Variants in SGSM1 observed in about 807,000 individuals in gnomAD.
SGSM1 encodes small G protein signaling modulator 1.
A neutral mutation model predicts 133.8 loss-of-function variants in SGSM1; 73 were observed. That is an observed-to-expected ratio of 0.55 (90% confidence interval 0.45 to 0.66). The LOEUF is 0.66. Among genes scored for constraint, SGSM1 ranks in the 30% least tolerant of loss-of-function variants. The probability of loss-of-function intolerance (pLI) is 0.00; values close to 1 mark genes in which losing one functional copy is unlikely to be tolerated. For missense variants in SGSM1, 1,213 were observed against 1,448.1 expected (o/e 0.84, Z 2.64); for synonymous variants, 563 against 573.0 (o/e 0.98, Z 0.25).
In SGSM1 at chr22:24,806,292, G is replaced by C; in HGVS notation, c.-34G>C. On this transcript the variant is annotated 5_prime_UTR_variant, in exon 1 of 25. Transcript: ENST00000400358. Reference sequence around the variant, plus strand: ...AGCTACCGCCGCCACCGCCGCCACCGCCTCCTGGGACTCGGAACGCAGCGC... The same window carrying C: ...AGCTACCGCCGCCACCGCCGCCACCCCCTCCTGGGACTCGGAACGCAGCGC... The C allele has an allele frequency of 7.1e-7, 1 of 1,417,718 alleles. No homozygotes were observed. The highest frequency in any genetic ancestry group is 9.2e-7 in the Non-Finnish European group (1 of 1,089,510). The allele number at this position is 1,417,718 out of a possible 1,614,324, so 87.8% of individuals were successfully genotyped here.
At position 24,898,501 on chromosome 22, in the gene SGSM1, C is replaced by T. The variant is rs1392448753; in HGVS notation, c.2552C>T (p.Ala851Val). 2 of 1,613,660 alleles carry T rather than the reference C, an allele frequency of 1.2e-6. No homozygotes were observed. Among genetic ancestry groups the T allele is most frequent in the African/African-American group, 1.3e-5 (1 of 74,926 alleles). The change falls in exon 19 of 25, where the codon GCT becomes GTT. Residue 851 changes from alanine (A) to valine (V), a missense_variant. Physicochemically the swap from Ala to Val is moderately conservative, Grantham distance 64. Coordinates refer to ENST00000400358, the MANE Select transcript of SGSM1 (RefSeq NM_001098497.3). ...ESLFPALASL[A>V]VTTSANEVSP... ...CTCTTCCCTGCCCTGGCTTCTCTGG[C>T]TGTGACTACTTCTGCCAACGAGGTG...
intron 20 of SGSM1, among the ~76,000 whole-genome samples, chr22:24,904,627 G>A (rs1040233096): frequency 4.0e-5 from 6 of 151,828 alleles, no homozygotes; most frequent in Non-Finnish European, 5.9e-5. Flanking sequence ...TACAGTAAGA[G>A]CTCGATAAAT....
chr22:24,903,975 C>CAA (rs1412090808), intron 20 of SGSM1, among the ~76,000 whole-genome samples: 16 of 90,176 alleles, frequency 1.8e-4, no homozygotes, highest in African/African-American at 6.2e-4. Flanking sequence ...TCTGTCTCAA[C>CAA]AAAAAGAAAA....
intron 2 of SGSM1, chr22:24,843,918 C>G (rs1298100230): frequency 6.6e-6 from 1 of 152,228 alleles, no homozygotes; most frequent in African/African-American, 2.4e-5. Flanking sequence ...TTTCATCTTG[C>G]TGAGCATCCA....
In SGSM1 at chr22:24,916,217, C is replaced by G. The variant is rs993618941; in HGVS notation, c.2929-1441C>G. 2.0e-5 allele frequency among the ~76,000 whole-genome samples: 3 copies of G among 152,298 alleles called. No individual in the cohort carries two copies. The East Asian group carries it at 5.8e-4, about 29-fold the overall frequency. On this transcript the variant is annotated intron_variant, in intron 22 of 24. Coordinates refer to ENST00000400358, the MANE Select transcript of SGSM1 (RefSeq NM_001098497.3). The stretch of plus-strand genomic sequence containing the variant: ...TTCACTAACAACCACTCCCCATCCC[C>G]TCCATCTCCCCAGCCCCTGAAAACC...
At chr22:24,811,303 C>T (rs1023411062) in intron 2 of SGSM1, among the ~76,000 whole-genome samples, 3 of 152,164 alleles carry the variant, frequency 2.0e-5, no homozygotes, top group Non-Finnish European at 4.4e-5. Context: ...CCCCGCTCAC[C>T]CTACCCATCC....
intron 8 of SGSM1, among the ~76,000 whole-genome samples, chr22:24,859,262 G>T (rs1037784044): frequency 1.3e-5 from 2 of 152,148 alleles, no homozygotes; most frequent in Admixed American, 6.5e-5. Context: ...GGGAGTGTAG[G>T]GGGGGTTTTT....
intron 23 of SGSM1, among the ~76,000 whole-genome samples, chr22:24,918,164 G>C (rs1424418727): frequency 6.6e-6 from 1 of 152,140 alleles, no homozygotes; most frequent in Non-Finnish European, 1.5e-5. Context: ...GTATAACACA[G>C]TACCTTGTTG....
intron 16 of SGSM1, among the ~76,000 whole-genome samples, chr22:24,888,048 G>GT (rs1014320330): frequency 5.3e-4 from 80 of 152,004 alleles, no homozygotes; most frequent in African/African-American, 1.8e-3. Flanking sequence ...GGATTGTTTG[G>GT]TTTTTTTTCC....
Position 24,865,786 on chromosome 22 carries a change from A to C in SGSM1, c.927-1307A>C, listed in dbSNP as rs546250100. On this transcript the variant is annotated intron_variant, in intron 9 of 24. Coordinates refer to ENST00000400358, the MANE Select transcript of SGSM1 (RefSeq NM_001098497.3). ...GGGGAGGGAGAGAAGGAAGGAAGGA[A>C]GGTTGGGCAGAAGGAGTCTGAGACA... Among the ~76,000 whole-genome samples the C allele has an allele frequency of 4.6e-5, 7 of 152,204 alleles. No homozygotes were observed. The South Asian group carries it at 1.2e-3, about 27-fold the overall frequency.
intron 2 of SGSM1, among the ~76,000 whole-genome samples, chr22:24,829,582 G>A (rs1014411699): frequency 2.6e-5 from 4 of 152,072 alleles, no homozygotes; most frequent in African/African-American, 9.7e-5. Flanking sequence ...TAATCATTCG[G>A]TTCAAAACAG....
At chr22:24,855,099 C>T (rs1288870489) in intron 6 of SGSM1, 36 bp downstream of exon 6, 15 of 1,599,512 alleles carry the variant, frequency 9.4e-6, no homozygotes, top group African/African-American at 1.3e-5. Flanking sequence ...CATCTAGACC[C>T]GTGGTCTTGA....
chr22:24,913,405 T>C (rs1257627960), intron 22 of SGSM1, among the ~76,000 whole-genome samples: 1 of 152,110 alleles, frequency 6.6e-6, no homozygotes, highest in African/African-American at 2.4e-5. Flanking sequence ...TATGAAGCTC[T>C]CCAGGTAATT....
Position 24,855,440 on chromosome 22 carries a change from G to C in SGSM1, c.669+10G>C. ...GCGTCCTGCCCTCTGTGTGAGTGGG[G>C]TGGACAGTGGGGCAGTGGGAGGGAC... is the stretch of plus-strand genomic sequence containing the variant. On this transcript the variant is annotated intron_variant, in intron 7 of 24. Coordinates refer to ENST00000400358, the MANE Select transcript of SGSM1 (RefSeq NM_001098497.3). The C allele has an allele frequency of 6.2e-6, 10 of 1,613,388 alleles. No homozygotes were observed. Among genetic ancestry groups the C allele is most frequent in the Non-Finnish European group, 8.5e-6 (10 of 1,179,776 alleles).
chr22:24,905,894 A>C (rs545498345), intron 21 of SGSM1, among the ~76,000 whole-genome samples: 52 of 152,266 alleles, frequency 3.4e-4, no homozygotes, highest in African/African-American at 1.2e-3. Context: ...TCATTCAATA[A>C]AGCCAGACCT....
intron 23 of SGSM1, 124 bp downstream of exon 23, chr22:24,917,878 T>C: frequency 1.5e-6 from 1 of 685,152 alleles, no homozygotes; most frequent in Non-Finnish European, 2.5e-6. Flanking sequence ...GAAGCACATG[T>C]TTATGGAGTC....
intron 5 of SGSM1, 41 bp downstream of exon 5, chr22:24,850,473 C>T (rs192208623): frequency 3.1e-6 from 5 of 1,597,066 alleles, no homozygotes; most frequent in Non-Finnish European, 4.3e-6. Context: ...GCTCTGCCCC[C>T]ACCTGCCGGC....
chr22:24,922,820 T>G (rs888874526), intron 24 of SGSM1, among the ~76,000 whole-genome samples: 8 of 152,184 alleles, frequency 5.3e-5, no homozygotes, highest in African/African-American at 1.9e-4. Context: ...AAACCTAGCT[T>G]TGCAAAGACA....
intron 2 of SGSM1, among the ~76,000 whole-genome samples, chr22:24,810,936 C>T (rs980260273): frequency 1.3e-5 from 2 of 152,200 alleles, no homozygotes; most frequent in East Asian, 3.8e-4. Context: ...TGCAGTTTTA[C>T]TGTGACCCAG....
Sources: allele counts gnomAD v4.1 joint callset (sites outside exome capture counted in the v4.1 genomes callset), GRCh38; gene constraint gnomAD v4.1.1; transcripts MANE v1.5; gene names NCBI Gene and HGNC (gene_info 2026-07-23, HGNC 2026-07-21).